The following DENND1A variants were observed in gnomAD, a reference collection of about 807,000 sequenced individuals.
The protein encoded by DENND1A is DENN domain-containing protein 1A.
DENND1A carries 51 observed loss-of-function variants against 113.7 expected under a neutral mutation model. The ratio of observed to expected loss-of-function variants is 0.45; its 90% CI spans 0.36 to 0.57. The LOEUF (loss-of-function observed/expected upper bound fraction) is 0.57, where lower values mean the gene tolerates loss of function less well. DENND1A is among the 20% of genes least tolerant of loss of function. DENND1A has a pLI of 0.00. For synonymous variants in DENND1A, 565 were observed against 570.8 expected (o/e 0.99, Z 0.14); for missense variants, 1,258 against 1,395.9 (o/e 0.90, Z 1.57).
chr9:123,521,304 A>G (rs1407860796), intron 13 of DENND1A, among the ~76,000 whole-genome samples: 1 of 152,172 alleles, frequency 6.6e-6, no homozygotes, highest in Non-Finnish European at 1.5e-5. Flanking sequence ...TACATATGCA[A>G]CACCCATGCT....
At chr9:123,432,178 A>G (rs1161557476) in intron 19 of DENND1A, among the ~76,000 whole-genome samples, 1 of 152,234 alleles carries the variant, frequency 6.6e-6, no homozygotes, top group Non-Finnish European at 1.5e-5. Flanking sequence ...CTCAATCGTT[A>G]TGAATGTCCA....
At chr9:123,557,545 T>C in intron 13 of DENND1A, 25 bp downstream of exon 13, 2 of 1,612,614 alleles carry the variant, frequency 1.2e-6, no homozygotes, top group Non-Finnish European at 1.7e-6. Flanking sequence ...AAACACAGGC[T>C]CTGTGACATG....
At chr9:123,888,976 G>A (rs1849513074) in intron 1 of DENND1A, among the ~76,000 whole-genome samples, 1 of 150,658 alleles carries the variant, frequency 6.6e-6, no homozygotes, top group Non-Finnish European at 1.5e-5. Context: ...GTGTGTGTGT[G>A]TGTGTGTGTG....
chr9:123,487,694 T>A (rs910730822), intron 13 of DENND1A, among the ~76,000 whole-genome samples: 1 of 151,866 alleles, frequency 6.6e-6, no homozygotes, highest in African/African-American at 2.4e-5. Flanking sequence ...AATATAAACA[T>A]ACACAATGTC....
At chr9:123,705,071 A>T (rs1803340110) in intron 5 of DENND1A, among the ~76,000 whole-genome samples, 1 of 101,270 alleles carries the variant, frequency 9.9e-6, no homozygotes, top group Admixed American at 9.2e-5. Flanking sequence ...ATGAATTTAA[A>T]AAAAAAAAAC....
intron 12 of DENND1A, among the ~76,000 whole-genome samples, chr9:123,565,271 C>T (rs899414732): frequency 2.0e-5 from 3 of 152,156 alleles, no homozygotes; most frequent in Non-Finnish European, 2.9e-5. Context: ...GGATTACAGG[C>T]GTGAGCCACC....
intron 5 of DENND1A, among the ~76,000 whole-genome samples, chr9:123,689,707 C>T (rs58097039): frequency 0.05 from 7,654 of 152,094 alleles, 240 homozygotes; most frequent in African/African-American, 0.077. Context: ...TGGTGGCTCA[C>T]GCCTATAAAC....
At chr9:123,386,975 G>A (rs1411996385) in intron 22 of DENND1A, among the ~76,000 whole-genome samples, 1 of 152,260 alleles carries the variant, frequency 6.6e-6, no homozygotes, top group Admixed American at 6.5e-5. Context: ...CCCCCTGGAA[G>A]GTTGCTGTGG....
At chr9:123,527,819 A>G (rs957826841) in intron 13 of DENND1A, among the ~76,000 whole-genome samples, 1 of 152,216 alleles carries the variant, frequency 6.6e-6, no homozygotes, top group African/African-American at 2.4e-5. Flanking sequence ...TCTCAAAGAA[A>G]GATGAATGCT....
At chr9:123,728,479 CAAAAAAAAAAAAAAAAAA>C (rs60761810) in intron 5 of DENND1A, among the ~76,000 whole-genome samples, 2 of 25,196 alleles carry the variant, frequency 7.9e-5, no homozygotes, top group East Asian at 3.0e-3. Flanking sequence ...CTCTGTCTCC[CAAAAAAAAAAAAAAAAAA>C]AAAAAAAAAA....
intron 2 of DENND1A, among the ~76,000 whole-genome samples, chr9:123,823,432 T>C (rs1289533640): frequency 6.6e-6 from 1 of 152,076 alleles, no homozygotes; most frequent in Non-Finnish European, 1.5e-5. Context: ...GCCCAATATG[T>C]TGATCACTGA....
At chr9:123,870,256 G>A (rs1203863092) in intron 2 of DENND1A, among the ~76,000 whole-genome samples, 1 of 148,194 alleles carries the variant, frequency 6.7e-6, no homozygotes, top group Non-Finnish European at 1.5e-5. Context: ...GCACATACAG[G>A]TAATATTAAT....
chr9:123,530,212 G>A (rs913341997), intron 13 of DENND1A, among the ~76,000 whole-genome samples: 2 of 152,150 alleles, frequency 1.3e-5, no homozygotes, highest in African/African-American at 4.8e-5. Context: ...AGAAAGACAT[G>A]AGCCCTAGGT....
chr9:123,910,477 C>T (rs1447320947), intron 1 of DENND1A, among the ~76,000 whole-genome samples: 2 of 152,150 alleles, frequency 1.3e-5, no homozygotes, highest in Admixed American at 6.5e-5. Flanking sequence ...TGAAATGGAT[C>T]ACATCACGGA....
At chr9:123,901,776 G>C (rs566625000) in intron 1 of DENND1A, among the ~76,000 whole-genome samples, 1 of 152,036 alleles carries the variant, frequency 6.6e-6, no homozygotes, top group African/African-American at 2.4e-5. Context: ...AGGCTGAGGC[G>C]GGTGGATCAC....
intron 11 of DENND1A, among the ~76,000 whole-genome samples, chr9:123,602,750 G>A (rs762318442): frequency 1.6e-4 from 25 of 152,298 alleles, no homozygotes; most frequent in Non-Finnish European, 2.5e-4. Context: ...CTGCAGCCTC[G>A]AACTCCTGGG....
At chr9:123,733,847 T>C (rs141344037) in intron 5 of DENND1A, among the ~76,000 whole-genome samples, 3 of 152,092 alleles carry the variant, frequency 2.0e-5, no homozygotes, top group African/African-American at 7.2e-5. Context: ...TTGTACTTTT[T>C]AGCAGAGACA....
At chr9:123,451,599 C>G (rs1428791414) in intron 17 of DENND1A, among the ~76,000 whole-genome samples, 3 of 152,152 alleles carry the variant, frequency 2.0e-5, no homozygotes, top group African/African-American at 4.8e-5. Flanking sequence ...TGCAAAGGAG[C>G]TGCTTTATTT....
intron 13 of DENND1A, among the ~76,000 whole-genome samples, chr9:123,527,460 A>C (rs947720795): frequency 1.3e-5 from 2 of 152,020 alleles, no homozygotes; most frequent in African/African-American, 4.8e-5. Context: ...TTTCAGGTTC[A>C]TCTCTTGCCA....
Sources: allele counts gnomAD v4.1 joint callset (sites outside exome capture counted in the v4.1 genomes callset), GRCh38; gene constraint gnomAD v4.1.1; transcripts MANE v1.5; gene names NCBI Gene and HGNC (gene_info 2026-07-23, HGNC 2026-07-21).